The following ACHE variants were observed in gnomAD, a reference collection of about 807,000 sequenced individuals.
ACHE encodes the protein acetylcholinesterase.
In ACHE, 19 loss-of-function variants were observed where a neutral mutation model predicts 53.9. That is an observed-to-expected ratio of 0.35 (90% CI 0.25 to 0.52). The LOEUF is 0.52. Among genes scored for constraint, ACHE ranks in the 20% least tolerant of loss-of-function variants. The probability of loss-of-function intolerance (pLI) is 0.95; values close to 1 mark genes in which losing one functional copy is unlikely to be tolerated. For missense variants in ACHE, 605 were observed against 849.4 expected (o/e 0.71, Z 3.58); for synonymous variants, 392 against 378.1 (o/e 1.04, Z -0.43).
Position 100,893,589 on chromosome 7 carries a change from T to C in ACHE, c.644A>G (p.Gln215Arg). 1.2e-6 allele frequency: 2 copies of C among 1,612,526 alleles called. No individual in the cohort carries two copies. Among genetic ancestry groups the C allele is most frequent in the Non-Finnish European group, 1.7e-6 (2 of 1,180,016 alleles). The change falls in exon 2 of 5, where the codon CAG becomes CGG. Residue 215 changes from glutamine to arginine, a missense_variant. Gln to Arg is a conservative substitution (Grantham distance 43, BLOSUM62 1). Around this residue, in one of 4 missense-constraint regions of ACHE, gnomAD observed 397 missense variants for 632.5 expected, o/e 0.63. Transcript: ENST00000241069. ...ACCCCCGAAGGCTGCCACGTTCTCC[T>C]GCACCCACTGCAGGGCCAGCCTCTG... is the stretch of plus-strand genomic sequence containing the variant. ...LDQRLALQWV[Q>R]ENVAAFGGDP...
At position 100,893,825 on chromosome 7, in the gene ACHE, G is replaced by T; in HGVS notation, c.408C>A (p.Tyr136Ter). ...DCLYLNVWTP[Y>*]PRPTSPTPVL... ...CAGGGGTGGGGGATGTAGGCCGGGG[G>T]TATGGTGTCCACACGTTGAGGTACA... Residue 136 changes from tyrosine to a stop codon, truncating the protein, a stop_gained, in exon 2 of 5, where the codon TAC (tyrosine) becomes TAA (stop). Coordinates refer to ENST00000241069, the MANE Select transcript of ACHE (RefSeq NM_000665.5). LOFTEE classifies it high-confidence loss of function. The T allele has an allele frequency of 1.2e-6, 2 of 1,613,176 alleles. No homozygotes were observed. The highest frequency in any genetic ancestry group is 1.7e-6 in the Non-Finnish European group (2 of 1,179,676).
In ACHE at chr7:100,893,559, G is replaced by A; in HGVS notation, c.674C>T (p.Pro225Leu). ...QENVAAFGGD[P>L]TSVTLFGESA... Reference sequence around the variant, plus strand: ...CTCCCCAAACAGCGTCACTGATGTCGGGTCACCCCCGAAGGCTGCCACGTT... The same window carrying A: ...CTCCCCAAACAGCGTCACTGATGTCAGGTCACCCCCGAAGGCTGCCACGTT... The change falls in exon 2 of 5, where the codon CCG (proline) becomes CTG (leucine). Residue 225 changes from proline to leucine, a missense_variant. Coordinates refer to ENST00000241069, the MANE Select transcript of ACHE (RefSeq NM_000665.5). The A allele has an allele frequency of 2.5e-6, 4 of 1,611,778 alleles. No homozygotes were observed. The highest frequency in any genetic ancestry group is 3.4e-6 in the Non-Finnish European group (4 of 1,180,028).
Position 100,890,680 on chromosome 7 carries a change from C to A in ACHE, c.1724-345G>T, listed in dbSNP as rs1584769914. ...CCCCAATGGGGGGTGCTACCCCGTC[C>A]GGGGCCTCCCACTTCCCCCCAATGT... is the stretch of plus-strand genomic sequence containing the variant. On this transcript the variant is annotated intron_variant, in intron 4 of 4. Transcript: ENST00000241069. 2.4e-5 allele frequency: 32 copies of A among 1,321,812 alleles called. No homozygotes were observed. In the East Asian group the frequency reaches 9.3e-4, roughly 38 times the overall value. The allele number at this position is 1,321,812 out of a possible 1,614,324, so 81.9% of individuals were successfully genotyped here.
Position 100,893,795 on chromosome 7 carries a change from G to C in ACHE, c.438C>G (p.Leu146=), listed in dbSNP as rs376061794. 1 of 1,613,728 alleles carries C rather than the reference G, an allele frequency of 6.2e-7. No individual in the cohort carries two copies. Among genetic ancestry groups the C allele is most frequent in the South Asian group, 1.1e-5 (1 of 91,086 alleles). Residue 146 remains leucine (L), a synonymous_variant, in exon 2 of 5, where the codon CTC becomes CTG. Transcript: ENST00000241069. The part of the protein sequence containing the change: ...YPRPTSPTPV[L]VWIYGGGFYS... ...AGAAGCCACCCCCATAGATCCAGAC[G>C]AGGACAGGGGTGGGGGATGTAGGCC...
Position 100,892,268 on chromosome 7 carries a change from C to T in ACHE, c.1553+66G>A. 1.4e-6 allele frequency: 2 copies of T among 1,466,106 alleles called. No individual in the cohort carries two copies. The highest frequency in any genetic ancestry group is 1.8e-6 in the Non-Finnish European group (2 of 1,104,712). The allele number at this position is 1,466,106 out of a possible 1,614,324, so 90.8% of individuals were successfully genotyped here. ...CGTCCTTTCTGTCTCCGTGTGTCTG[C>T]CTTTGTGTGTCCTCCCGCCCCCGAC... On this transcript the variant is annotated intron_variant, in intron 3 of 4. Transcript: ENST00000241069. This position sits in a 1 kb window ranked among gnomAD's most constrained non-coding sequence, Gnocchi z 5.2.
chr7:100,895,577 C>T (rs1563040909), intron 1 of ACHE, among the ~76,000 whole-genome samples: 1 of 152,190 alleles, frequency 6.6e-6, no homozygotes, highest in Non-Finnish European at 1.5e-5. Flanking sequence ...AATCGGAGCG[C>T]AGAGGCGGCG....
In ACHE at chr7:100,892,876, C is replaced by T; in HGVS notation, c.1069-58G>A. 6.7e-7 allele frequency: 1 copy of T among 1,488,536 alleles called. No homozygotes were observed. Among genetic ancestry groups the T allele is most frequent in the Non-Finnish European group, 8.9e-7 (1 of 1,119,662 alleles). 92.2% of individuals were successfully genotyped at this position (1,488,536 alleles called of 1,614,324 possible). A position where few individuals can be genotyped will look rare whatever the true frequency, so the allele number is the denominator to read the frequency against. ...CGACAGGCACAGACAGACAAGTAGA[C>T]AGAAACAGATGGACAGACAAAGAGC... On this transcript the variant is annotated intron_variant, in intron 2 of 4. Coordinates refer to ENST00000241069, the MANE Select transcript of ACHE (RefSeq NM_000665.5). This position sits in a 1 kb window ranked among gnomAD's most constrained non-coding sequence, Gnocchi z 5.2.
In ACHE at chr7:100,892,968, C is replaced by A. The variant is rs1790792111; in HGVS notation, c.1069-150G>T. On this transcript the variant is annotated intron_variant, in intron 2 of 4. Coordinates refer to ENST00000241069, the MANE Select transcript of ACHE (RefSeq NM_000665.5). The surrounding 1 kb of genome is among the most constrained non-coding windows in gnomAD (Gnocchi z 5.2). ...AGAGGACGAGATCAGGGGAGGGATG[C>A]AGAGAAAGAGAAAATAGACCCATGG... The A allele has an allele frequency of 1.6e-6, 2 of 1,254,820 alleles. No homozygotes were observed. The highest frequency in any genetic ancestry group is 3.0e-5 in the African/African-American group (2 of 66,086). The allele number at this position is 1,254,820 out of a possible 1,614,324, so 77.7% of individuals were successfully genotyped here.
At chr7:100,894,359 T>TG in intron 1 of ACHE, 107 bp from the exon 2 acceptor site, 1 of 686,436 alleles carries the variant, frequency 1.5e-6, no homozygotes, top group South Asian at 4.1e-5. Flanking sequence ...GCAGAGGAGG[T>TG]GGGGCAGGTT....
At chr7:100,893,098 C>G in intron 2 of ACHE, 67 bp downstream of exon 2, 4 of 1,524,118 alleles carry the variant, frequency 2.6e-6, no homozygotes, top group Non-Finnish European at 3.6e-6. Flanking sequence ...GCCTGGGTCC[C>G]TGCAGGGAGG....
rs1790946285 is a variant in ACHE at position 100,894,859 on chromosome 7, G to C, written c.-20-607C>G. ...ATGCCCGCGGGTTCCCATCAGCTGC[G>C]CACGCTCCCAGCCCAGCCCCAGCAA... On this transcript the variant is annotated intron_variant, in intron 1 of 4. Coordinates refer to ENST00000241069, the MANE Select transcript of ACHE (RefSeq NM_000665.5). Among the ~76,000 whole-genome samples, 4 of 151,936 alleles carry C rather than the reference G, an allele frequency of 2.6e-5. No individual in the cohort carries two copies. In the South Asian group the frequency reaches 8.3e-4, roughly 32 times the overall value.
At chr7:100,895,250 C>T (rs2116029214) in intron 1 of ACHE, among the ~76,000 whole-genome samples, 1 of 152,332 alleles carries the variant, frequency 6.6e-6, no homozygotes, top group Non-Finnish European at 1.5e-5. Flanking sequence ...CCCCGCCGCC[C>T]TGAGCGGGGG....
At chr7:100,895,258 G>C (rs17885782) in intron 1 of ACHE, among the ~76,000 whole-genome samples, 1 of 152,190 alleles carries the variant, frequency 6.6e-6, no homozygotes, top group Non-Finnish European at 1.5e-5. Context: ...CCCTGAGCGG[G>C]GGGTGGTGGT....
chr7:100,893,397 G>A lies in ACHE; in HGVS notation c.836C>T (p.Ala279Val), dbSNP rs1790817703. 1 of 1,612,386 alleles carries A rather than the reference G, an allele frequency of 6.2e-7. No homozygotes were observed. Among genetic ancestry groups the A allele is most frequent in the African/African-American group, 1.3e-5 (1 of 74,950 alleles). ...TVGMGEARRR[A>V]TQLAHLVGCP... ...GCCCACAAGGTGGGCCAGCTGCGTG[G>A]CCCTGCGACGGGCCTCTCCCATGCC... The change falls in exon 2 of 5, where the codon GCC (alanine) becomes GTC (valine). Residue 279 changes from alanine (A) to valine (V), a missense_variant. Around this residue, in one of 4 missense-constraint regions of ACHE, gnomAD observed 397 missense variants for 632.5 expected, o/e 0.63. Transcript: ENST00000241069.
At chr7:100,890,980 AG>A in intron 4 of ACHE, 188 bp downstream of exon 4, 1 of 1,458,868 alleles carries the variant, frequency 6.9e-7, no homozygotes, top group Non-Finnish European at 9.1e-7. Context: ...GAGGTGGGAG[AG>A]GAAGAGGAGG....
Position 100,891,253 on chromosome 7 carries a change from G to A in ACHE, c.1639C>T (p.Arg547Trp), listed in dbSNP as rs765169181. The A allele has an allele frequency of 1.2e-6, 2 of 1,611,226 alleles. No individual in the cohort carries two copies. The highest frequency in any genetic ancestry group is 1.1e-5 in the South Asian group (1 of 90,908). ...GAQQYVSLDL[R>W]PLEVRRGLRA... is the part of the protein sequence containing the mutation. ...AGCCCCCGCCGCACCTCCAGCGGCC[G>A]CAGGTCCAGACTAACGTACTGCTGA... The change falls in exon 4 of 5, where the codon CGG becomes TGG. Residue 547 changes from arginine to tryptophan, a missense_variant. By Grantham distance (101) the Arg-to-Trp change is moderately radical (BLOSUM62 -3). Around this residue, in one of 4 missense-constraint regions of ACHE, gnomAD observed 91 missense variants for 83.2 expected, o/e 1.09. Coordinates refer to ENST00000241069, the MANE Select transcript of ACHE (RefSeq NM_000665.5).
intron 4 of ACHE, chr7:100,890,901 C>T (rs1376795998): frequency 1.4e-6 from 2 of 1,466,966 alleles, no homozygotes; most frequent in East Asian, 2.4e-5. Flanking sequence ...CCCTTCCCCA[C>T]GGTCCGACCA....
At position 100,892,260 on chromosome 7, in the gene ACHE, T is replaced by G; in HGVS notation, c.1553+74A>C. 6.9e-7 allele frequency: 1 copy of G among 1,451,940 alleles called. No homozygotes were observed. The allele number at this position is 1,451,940 out of a possible 1,614,324, so 89.9% of individuals were successfully genotyped here. ...GTCCCACCCGTCCTTTCTGTCTCCG[T>G]GTGTCTGCCTTTGTGTGTCCTCCCG... On this transcript the variant is annotated intron_variant, in intron 3 of 4. Coordinates refer to ENST00000241069, the MANE Select transcript of ACHE (RefSeq NM_000665.5). The surrounding 1 kb of genome is among the most constrained non-coding windows in gnomAD (Gnocchi z 5.2).
chr7:100,894,379 G>T, intron 1 of ACHE, 127 bp from the exon 2 acceptor site: 1 of 559,522 alleles, frequency 1.8e-6, no homozygotes. Context: ...TGGCAAAGAT[G>T]AGGGGAGAGA....
Sources: allele counts gnomAD v4.1 joint callset (sites outside exome capture counted in the v4.1 genomes callset), GRCh38; gene constraint gnomAD v4.1.1; regional missense constraint gnomAD v4.1.1; non-coding constraint Gnocchi (gnomAD v3.1); transcripts MANE v1.5; gene names NCBI Gene and HGNC (gene_info 2026-07-23, HGNC 2026-07-21).